The following ANKS1A variants were observed in gnomAD, a reference collection of about 807,000 sequenced individuals.
The protein encoded by ANKS1A is ankyrin repeat and sterile alpha motif domain containing 1A.
A neutral mutation model predicts 120.3 loss-of-function variants in ANKS1A; 55 were observed. The observed-to-expected ratio is 0.46, with a 90% CI of 0.37 to 0.57. The LOEUF (loss-of-function observed/expected upper bound fraction) is 0.57. Ranked by LOEUF, ANKS1A falls within the 20% of genes least tolerant of loss-of-function variation. The probability of loss-of-function intolerance (pLI) is 0.00; values close to 1 mark genes in which losing one functional copy is unlikely to be tolerated. For missense variants in ANKS1A, 1,123 were observed against 1,480.3 expected (o/e 0.76, Z 3.96); for synonymous variants, 590 against 604.7 (o/e 0.98, Z 0.36).
In ANKS1A at chr6:35,079,881, C is replaced by A; in HGVS notation, c.2497C>A (p.Pro833Thr). Residue 833 changes from proline (P) to threonine (T), a missense_variant, in exon 16 of 24, where the codon CCG becomes ACG. This residue lies in a region of ANKS1A where 904 missense variants were observed against 1,130.4 expected (regional missense o/e 0.80). Coordinates refer to ENST00000360359, the MANE Select transcript of ANKS1A (RefSeq NM_015245.3). ...CATCATCGCCTCCCTCGCAGACAGA[C>A]CGTACGAGGAGCCGCCCCAGAAGCC... ...KRIIASLADR[P>T]YEEPPQKPPR... 2 of 1,564,374 alleles carry A rather than the reference C, an allele frequency of 1.3e-6. No homozygotes were observed. The highest frequency in any genetic ancestry group is 1.7e-6 in the Non-Finnish European group (2 of 1,154,292).
At chr6:35,005,774 C>G (rs896556279) in intron 10 of ANKS1A, 6 of 448,456 alleles carry the variant, frequency 1.3e-5, no homozygotes, top group African/African-American at 6.1e-5. Context: ...TATTGTTGGC[C>G]GGGCATGGTG....
At chr6:34,892,240 A>G (rs1194537838) in intron 1 of ANKS1A, among the ~76,000 whole-genome samples, 1 of 152,180 alleles carries the variant, frequency 6.6e-6, no homozygotes, top group Non-Finnish European at 1.5e-5. Context: ...CACTAGTTAC[A>G]CTAATTAGAG....
intron 11 of ANKS1A, among the ~76,000 whole-genome samples, chr6:35,049,417 T>G (rs1407189741): frequency 6.6e-6 from 1 of 152,212 alleles, no homozygotes; most frequent in Admixed American, 6.5e-5. Context: ...TTACCCTGAA[T>G]GGTTCTTTAG....
intron 1 of ANKS1A, among the ~76,000 whole-genome samples, chr6:34,902,448 G>A (rs775125524): frequency 8.6e-5 from 13 of 151,816 alleles, no homozygotes; most frequent in Admixed American, 5.9e-4. Flanking sequence ...GGATTTCTCC[G>A]TGTTGGTCAG....
chr6:35,090,668 C>A lies in ANKS1A; in HGVS notation c.*2059C>A, dbSNP rs1778252963. On this transcript the variant is annotated 3_prime_UTR_variant, in exon 24 of 24. Transcript: ENST00000360359. ...TTCTCCTCTGGGATGGGTAGTCTCCCTTTCCTAGAAAGGTTATTATAACTT... is the reference window on the plus strand; with the variant it reads ...TTCTCCTCTGGGATGGGTAGTCTCCATTTCCTAGAAAGGTTATTATAACTT... 1 of 988,714 alleles carries A rather than the reference C, an allele frequency of 1.0e-6. No individual in the cohort carries two copies. The highest frequency in any genetic ancestry group is 1.7e-5 in the African/African-American group (1 of 57,238). The allele number at this position is 988,714 out of a possible 1,614,324, so 61.2% of individuals were successfully genotyped here.
intron 3 of ANKS1A, among the ~76,000 whole-genome samples, chr6:34,975,419 A>T (rs892386195): frequency 6.7e-6 from 1 of 150,074 alleles, no homozygotes; most frequent in Non-Finnish European, 1.5e-5. Context: ...GTGCCACTGC[A>T]CTCCAGCCTG....
chr6:35,016,935 C>CTT (rs558659921), intron 10 of ANKS1A, among the ~76,000 whole-genome samples: 75 of 87,342 alleles, frequency 8.6e-4, no homozygotes, highest in East Asian at 3.0e-3. Context: ...ATCATGACCT[C>CTT]TTTTTTTTTT....
At chr6:35,067,807 C>T (rs1002433110) in intron 13 of ANKS1A, among the ~76,000 whole-genome samples, 1 of 151,472 alleles carries the variant, frequency 6.6e-6, no homozygotes, top group Non-Finnish European at 1.5e-5. Flanking sequence ...AAGATAACAC[C>T]GAACAGTGGC....
At position 34,983,384 on chromosome 6, in the gene ANKS1A, C is replaced by A. The variant is rs777932537; in HGVS notation, c.971C>A (p.Pro324His). 8.7e-5 allele frequency: 140 copies of A among 1,613,854 alleles called. 1 individual carries two copies. The Admixed American group carries it at 2.3e-3, about 27-fold the overall frequency. The stretch of plus-strand genomic sequence containing the variant: ...GATAAAACCCCCCCACCCCAGCCAC[C>A]TCTCATCTCCAGTATGGACTCCATA... ...EVDKTPPPQPPLISSMDSISQ... is the reference protein window; with the variant it reads ...EVDKTPPPQPHLISSMDSISQ... Residue 324 changes from proline (P) to histidine (H), a missense_variant, in exon 7 of 24, where the codon CCT (proline) becomes CAT (histidine). Pro to His is a moderately conservative substitution (Grantham distance 77). Around this residue, in one of 3 missense-constraint regions of ANKS1A, gnomAD observed 904 missense variants for 1,130.4 expected, o/e 0.80. Coordinates refer to ENST00000360359, the MANE Select transcript of ANKS1A (RefSeq NM_015245.3).
In ANKS1A at chr6:35,058,452, C is replaced by T. The variant is rs932668311; in HGVS notation, c.2078-1695C>T. The T allele has an allele frequency of 3.3e-5, 5 of 152,254 alleles. No homozygotes were observed. Among genetic ancestry groups the T allele is most frequent in the African/African-American group, 1.2e-4 (5 of 41,450 alleles). The allele number at this position is 152,254 out of a possible 1,614,324, so 9.4% of individuals were successfully genotyped here. A position where few individuals can be genotyped will look rare whatever the true frequency, so the allele number is the denominator to read the frequency against. On this transcript the variant is annotated intron_variant, in intron 12 of 23. Transcript: ENST00000360359. This position sits in a 1 kb window ranked among gnomAD's most constrained non-coding sequence, Gnocchi z 5.1. ...AAGGGCAGGGGAGCTCAAGTATCCC[C>T]CAGACTCGGCATCTTGGAGCGCTGC...
chr6:34,928,323 T>C (rs1400723138), intron 1 of ANKS1A, among the ~76,000 whole-genome samples: 1 of 152,098 alleles, frequency 6.6e-6, no homozygotes, highest in Non-Finnish European at 1.5e-5. Context: ...CACAGGATCC[T>C]CTGAAAAGAC....
intron 10 of ANKS1A, among the ~76,000 whole-genome samples, chr6:35,016,056 T>G (rs963291094): frequency 6.6e-6 from 1 of 152,180 alleles, no homozygotes; most frequent in African/African-American, 2.4e-5. Context: ...AGACCTGGAT[T>G]CTCATCACTA....
At chr6:35,055,622 C>T (rs1267726536) in intron 12 of ANKS1A, among the ~76,000 whole-genome samples, 3 of 152,216 alleles carry the variant, frequency 2.0e-5, no homozygotes, top group Admixed American at 2.0e-4. Context: ...GCCACCACAC[C>T]CGGCCCTGTG....
chr6:35,000,692 T>G (rs998673177), intron 10 of ANKS1A, among the ~76,000 whole-genome samples: 15 of 152,176 alleles, frequency 9.9e-5, no homozygotes, highest in African/African-American at 3.6e-4. Flanking sequence ...TGTTGTATAA[T>G]TTAAAAGTAA....
intron 10 of ANKS1A, 122 bp from the exon 11 acceptor site, chr6:35,017,351 C>T (rs1253609040): frequency 1.0e-6 from 1 of 1,001,124 alleles, no homozygotes; most frequent in Admixed American, 2.8e-5. Context: ...CCCAGCCTAT[C>T]CAGTTTCTCT....
chr6:35,083,702 C>G (rs1194885444), intron 20 of ANKS1A, among the ~76,000 whole-genome samples, 199 bp downstream of exon 20: 1 of 152,168 alleles, frequency 6.6e-6, no homozygotes, highest in African/African-American at 2.4e-5. Context: ...CAGCCCCGTC[C>G]CCGCCCTAGT....
chr6:35,053,536 G>T (rs547899901), intron 11 of ANKS1A, among the ~76,000 whole-genome samples: 47 of 152,374 alleles, frequency 3.1e-4, no homozygotes, highest in South Asian at 6.2e-4. Flanking sequence ...CTAAGTGCCT[G>T]CCTCACCTTT....
In ANKS1A at chr6:35,062,181, C is replaced by T. The variant is rs562763000; in HGVS notation, c.2184+1928C>T. On this transcript the variant is annotated intron_variant, in intron 13 of 23. Transcript: ENST00000360359. ...ATGCTAGAAGGACCCTCATTGAGGG[C>T]GGCCTGCAGCTCAGTCCTTCCAGGG... 5.9e-5 allele frequency among the ~76,000 whole-genome samples: 9 copies of T among 152,342 alleles called. No homozygotes were observed. In the South Asian group the frequency reaches 1.2e-3, roughly 21 times the overall value.
chr6:34,943,430 G>A (rs1769629324), intron 1 of ANKS1A, among the ~76,000 whole-genome samples: 1 of 152,064 alleles, frequency 6.6e-6, no homozygotes, highest in African/African-American at 2.4e-5. Context: ...ATATTGATAC[G>A]TTATTAACTA....
Sources: gnomAD v4.1 joint callset for allele counts (sites outside exome capture counted in the v4.1 genomes callset) on GRCh38, gnomAD v4.1.1 for gene constraint, gnomAD v4.1.1 regional missense constraint, Gnocchi (gnomAD v3.1) non-coding constraint, MANE v1.5 for transcripts, NCBI Gene and HGNC (gene_info 2026-07-23, HGNC 2026-07-21) for gene names.